Variants in MUC6 observed in about 807,000 individuals in gnomAD.
MUC6 encodes the protein mucin 6, oligomeric mucus/gel-forming (gene/pseudogene), also known as mucin-6.
A neutral mutation model predicts 201.5 loss-of-function variants in MUC6; 188 were observed. The observed-to-expected ratio is 0.93, with a 90% CI of 0.83 to 1.05. The LOEUF (loss-of-function observed/expected upper bound fraction) is 1.05, where lower values mean the gene tolerates loss of function less well. MUC6 is among the 50% of genes least tolerant of loss of function. The probability of loss-of-function intolerance (pLI) is 0.00; values close to 1 mark genes in which losing one functional copy is unlikely to be tolerated. For missense variants in MUC6, 2,706 were observed against 3,256.9 expected (o/e 0.83, Z 4.12); for synonymous variants, 1,228 against 1,389.4 (o/e 0.88, Z 2.58).
Position 1,030,627 on chromosome 11 carries a change from G to T in MUC6, c.838C>A (p.Gln280Lys). Reference protein sequence around the residue: ...SCATLSEYSRQCSMVGQPVRR... With the variant: ...SCATLSEYSRKCSMVGQPVRR... Reference sequence around the variant, plus strand: ...ACCGGCTGGCCCACCATGCTGCACTGGCGGGAGTACTCCGACAGGGTGGCA... The same window carrying T: ...ACCGGCTGGCCCACCATGCTGCACTTGCGGGAGTACTCCGACAGGGTGGCA... The change falls in exon 7 of 33, where the codon CAG becomes AAG. Residue 280 changes from glutamine (Q) to lysine (K), a missense_variant. Gln to Lys is a moderately conservative substitution (Grantham distance 53). Coordinates refer to ENST00000421673, the MANE Select transcript of MUC6 (RefSeq NM_005961.3). 2 of 1,538,150 alleles carry T rather than the reference G, an allele frequency of 1.3e-6. No homozygotes were observed. Among genetic ancestry groups the T allele is most frequent in the Non-Finnish European group, 8.7e-7 (1 of 1,143,264 alleles).
chr11:1,021,268 T>G lies in MUC6; in HGVS notation c.3536A>C (p.Asn1179Thr). The G allele has an allele frequency of 6.3e-7, 1 of 1,581,650 alleles. No individual in the cohort carries two copies. The highest frequency in any genetic ancestry group is 8.6e-7 in the Non-Finnish European group (1 of 1,164,682). The change falls in exon 27 of 33, where the codon AAC (asparagine) becomes ACC (threonine). Residue 1179 changes from asparagine to threonine, a missense_variant. Around this residue, in one of 10 missense-constraint regions of MUC6, gnomAD observed 1,850 missense variants for 1,958.3 expected, o/e 0.94. Coordinates refer to ENST00000421673, the MANE Select transcript of MUC6 (RefSeq NM_005961.3). Reference protein sequence around the residue: ...VPGSNIEGCYNCSQDEYFDHE... With the variant: ...VPGSNIEGCYTCSQDEYFDHE... Reference sequence around the variant, plus strand: ...GTCGAAGTACTCATCCTGGGAGCAGTTGTAGCAGCCTAGGGTGGAGAACGG... The same window carrying G: ...GTCGAAGTACTCATCCTGGGAGCAGGTGTAGCAGCCTAGGGTGGAGAACGG...
intron 27 of MUC6, 76 bp downstream of exon 27, chr11:1,021,139 G>C (rs1289208795): frequency 2.2e-6 from 3 of 1,382,468 alleles, no homozygotes; most frequent in Non-Finnish European, 2.9e-6. Flanking sequence ...TCTCTCCCTT[G>C]TTTGTGGGAT....
At chr11:1,035,579 C>A (rs982456077) in intron 1 of MUC6, among the ~76,000 whole-genome samples, 5 of 151,738 alleles carry the variant, frequency 3.3e-5, no homozygotes, top group Non-Finnish European at 7.4e-5. Context: ...GCTCAGAGAC[C>A]CCCACATCTC....
At chr11:1,032,478 T>C (rs899520496) in intron 2 of MUC6, among the ~76,000 whole-genome samples, 1 of 151,496 alleles carries the variant, frequency 6.6e-6, no homozygotes, top group African/African-American at 2.4e-5. Context: ...GCTGGGCATG[T>C]GTGTCGAGTG....
In MUC6 at chr11:1,018,010, CT is replaced by C; in HGVS notation, c.4790del (p.Lys1597ArgfsTer28). ...ATGGGGTTGGATAGGTAGTGGTGGT[CT>C]TGAAGGATGTTGCCGTCATGGGACC... ...STGPMTATSF[K>X]TTTTYPTPSH... On this transcript the variant is annotated frameshift_variant, in exon 31 of 33. Transcript: ENST00000421673. LOFTEE classifies it high-confidence loss of function. The C allele has an allele frequency of 5.6e-6, 9 of 1,610,678 alleles. No individual in the cohort carries two copies. Among genetic ancestry groups the C allele is most frequent in the South Asian group, 1.1e-5 (1 of 90,934 alleles).
intron 10 of MUC6, 36 bp from the exon 11 acceptor site, chr11:1,029,186 A>T: frequency 6.2e-7 from 1 of 1,605,362 alleles, no homozygotes; most frequent in South Asian, 1.1e-5. Flanking sequence ...GGGTGGGGTC[A>T]CCGGGAGCGC....
chr11:1,022,445 C>G (rs1056880684), intron 26 of MUC6, among the ~76,000 whole-genome samples: 5 of 152,248 alleles, frequency 3.3e-5, no homozygotes. Context: ...CCTGGCTGCT[C>G]CTCTGGACAC....
Position 1,026,005 on chromosome 11 carries a change from C to T in MUC6, c.2683G>A (p.Ala895Thr), listed in dbSNP as rs1191821722. 3.2e-6 allele frequency: 5 copies of T among 1,587,258 alleles called. No homozygotes were observed. The highest frequency in any genetic ancestry group is 4.3e-6 in the Non-Finnish European group (5 of 1,167,382). Residue 895 changes from alanine to threonine, a missense_variant, in exon 21 of 33, where the codon GCC becomes ACC. Physicochemically the swap from Ala to Thr is moderately conservative, Grantham distance 58. Transcript: ENST00000421673. ...GCCTGGCACCCGATGGTTACCGTGGCCAGGATGTACTCGCAGTTGCCGTCG... is the reference window on the plus strand; with the variant it reads ...GCCTGGCACCCGATGGTTACCGTGGTCAGGATGTACTCGCAGTTGCCGTCG... ...VFDGNCEYIL[A>T]TDVCGVNDSQ...
Position 1,017,698 on chromosome 11 carries a change from T to C in MUC6, c.5103A>G (p.Thr1701=). ...AAGTTGAGGTGGCTTCAGCATGGTG[T>C]GTGGAGGAAGTGTGTGAATGTAGGG... is the stretch of plus-strand genomic sequence containing the variant. ...STSLHSHTSS[T]HHAEATSTST... The change falls in exon 31 of 33, where the codon ACA becomes ACG. Residue 1701 remains threonine, a synonymous_variant. Coordinates refer to ENST00000421673, the MANE Select transcript of MUC6 (RefSeq NM_005961.3). The C allele has an allele frequency of 6.2e-7, 1 of 1,608,206 alleles. No individual in the cohort carries two copies. Among genetic ancestry groups the C allele is most frequent in the Non-Finnish European group, 8.5e-7 (1 of 1,176,610 alleles).
intron 30 of MUC6, 40 bp downstream of exon 30, chr11:1,019,235 G>A (rs1400514205): frequency 6.3e-7 from 1 of 1,590,264 alleles, no homozygotes; most frequent in Admixed American, 1.7e-5. Flanking sequence ...GGGACCGGGT[G>A]CCTTCGGCAG....
rs368634252 is a variant in MUC6, at chr11:1,028,950, C to G, written c.1392G>C (p.Val464=). 6.2e-7 allele frequency: 1 copy of G among 1,613,028 alleles called. No individual in the cohort carries two copies. ...VVYLSRQDKI[V]ISQDEVVTNN... ...TGGTGACCACCTCGTCCTGAGAGAT[C>G]ACAATTTTGTCCTGGAGAGAGGGTG... Residue 464 remains valine, a synonymous_variant, in exon 12 of 33, where the codon GTG becomes GTC. Coordinates refer to ENST00000421673, the MANE Select transcript of MUC6 (RefSeq NM_005961.3).
chr11:1,023,022 G>T (rs1856854043), intron 26 of MUC6, among the ~76,000 whole-genome samples: 1 of 151,144 alleles, frequency 6.6e-6, no homozygotes, highest in African/African-American at 2.4e-5. Flanking sequence ...ATGAATGAAT[G>T]TGAATGTGTT....
At position 1,018,086 on chromosome 11, in the gene MUC6, G is replaced by A. The variant is rs759363349; in HGVS notation, c.4715C>T (p.Pro1572Leu). 3.1e-6 allele frequency: 5 copies of A among 1,613,948 alleles called. No individual in the cohort carries two copies. The highest frequency in any genetic ancestry group is 3.4e-6 in the Non-Finnish European group (4 of 1,179,818). ...NSATSSRPPP[P>L]FTTHSPPTGS... Reference sequence around the variant, plus strand: ...TGTAGGTGGGGAGTGTGTGGTGAAGGGTGGTGGTGGCCTGCTGCTGGTGGC... The same window carrying A: ...TGTAGGTGGGGAGTGTGTGGTGAAGAGTGGTGGTGGCCTGCTGCTGGTGGC... The change falls in exon 31 of 33, where the codon CCC becomes CTC. Residue 1572 changes from proline to leucine, a missense_variant. Physicochemically the swap from Pro to Leu is moderately conservative, Grantham distance 98. This residue lies in a region of MUC6 where 128 missense variants were observed against 206.5 expected (regional missense o/e 0.62). Coordinates refer to ENST00000421673, the MANE Select transcript of MUC6 (RefSeq NM_005961.3).
chr11:1,022,006 CCACAA>C (rs143461234), intron 26 of MUC6, among the ~76,000 whole-genome samples: 3,384 of 151,798 alleles, frequency 0.022, 135 homozygotes, highest in African/African-American at 0.079. Context: ...ACACCCCACC[CCACAA>C]GTCTGTGTAC....
intron 13 of MUC6, 118 bp from the exon 14 acceptor site, chr11:1,028,505 G>A: frequency 1.3e-6 from 2 of 1,529,410 alleles, no homozygotes; most frequent in Non-Finnish European, 1.8e-6. Context: ...GGCTGCGTGG[G>A]CCACACGTGC....
In MUC6 at chr11:1,028,206, G is replaced by GC; in HGVS notation, c.1753+19_1753+20insG. The GC allele has an allele frequency of 6.4e-7, 1 of 1,554,194 alleles. No homozygotes were observed. The highest frequency in any genetic ancestry group is 8.7e-7 in the Non-Finnish European group (1 of 1,148,474). On this transcript the variant is annotated intron_variant, in intron 14 of 32. Coordinates refer to ENST00000421673, the MANE Select transcript of MUC6 (RefSeq NM_005961.3). ...GGGCGCTGGGGGGGCAGCCAGGGGAGTGGGGGGCCGGACACTCACTGTTGA... is the reference window on the plus strand; with the variant it reads ...GGGCGCTGGGGGGGCAGCCAGGGGAGCTGGGGGGCCGGACACTCACTGTTGA...
Position 1,023,498 on chromosome 11 carries a change from T to A in MUC6, c.3526+11A>T. The A allele has an allele frequency of 6.4e-7, 1 of 1,566,600 alleles. No individual in the cohort carries two copies. Among genetic ancestry groups the A allele is most frequent in the Non-Finnish European group, 8.7e-7 (1 of 1,155,358 alleles). ...CCTGTGTATCTGCGTTGCCTCCCGGTCACCTGGCACCTTCGATGTTGCTGC... is the reference window on the plus strand; with the variant it reads ...CCTGTGTATCTGCGTTGCCTCCCGGACACCTGGCACCTTCGATGTTGCTGC... On this transcript the variant is annotated intron_variant, in intron 26 of 32. Transcript: ENST00000421673.
intron 1 of MUC6, among the ~76,000 whole-genome samples, chr11:1,036,142 C>T (rs868723794): frequency 1.3e-5 from 2 of 152,058 alleles, no homozygotes; most frequent in Non-Finnish European, 2.9e-5. Context: ...GGGGAGGCAG[C>T]GTCCCCCACT....
chr11:1,025,487 C>A (rs771005343), intron 22 of MUC6, 120 bp from the exon 23 acceptor site: 3 of 1,235,486 alleles, frequency 2.4e-6, no homozygotes, highest in Non-Finnish European at 2.2e-6. Flanking sequence ...TGCACAGGAG[C>A]GCCTGCTGAG....
Sources: allele counts gnomAD v4.1 joint callset (sites outside exome capture counted in the v4.1 genomes callset), GRCh38; gene constraint gnomAD v4.1.1; regional missense constraint gnomAD v4.1.1; transcripts MANE v1.5; gene names NCBI Gene and HGNC (gene_info 2026-07-23, HGNC 2026-07-21).